The following OSTM1 variants were observed in gnomAD, a reference collection of about 807,000 sequenced individuals.
OSTM1 encodes the protein osteoclastogenesis associated transmembrane protein 1, also known as osteopetrosis-associated transmembrane protein 1.
In OSTM1, 26 loss-of-function variants were observed where a neutral mutation model predicts 35.4. That is an observed-to-expected ratio of 0.73 (90% CI 0.54 to 1.02). OSTM1 has a LOEUF of 1.02. Among genes scored for constraint, OSTM1 ranks in the 50% least tolerant of loss-of-function variants. The pLI is 0.00. For synonymous variants in OSTM1, 181 were observed against 165.0 expected, an observed-to-expected ratio of 1.10 and a Z score of -0.75; for missense variants, 366 against 409.6, an observed-to-expected ratio of 0.89 and a Z score of 0.92.
chr6:108,053,996 C>G (rs976881777), intron 3 of OSTM1, among the ~76,000 whole-genome samples: 5 of 152,198 alleles, frequency 3.3e-5, no homozygotes, highest in African/African-American at 1.2e-4. Context: ...TGGCAATAAT[C>G]TACAAGGTTA....
intron 2 of OSTM1, among the ~76,000 whole-genome samples, chr6:108,057,697 G>A (rs138329534): frequency 1.3e-5 from 2 of 152,278 alleles, no homozygotes; most frequent in African/African-American, 4.8e-5. Flanking sequence ...ATGATCATTA[G>A]ATGGTGGTAA....
At chr6:108,049,493 T>C (rs527274664) in intron 4 of OSTM1, 75 bp from the exon 5 acceptor site, 318 of 1,588,426 alleles carry the variant, frequency 2.0e-4, no homozygotes, top group Non-Finnish European at 2.6e-4. Context: ...ATTTTGCTAA[T>C]AACTAAACAG....
At chr6:108,050,910 G>C in intron 4 of OSTM1, 121 bp downstream of exon 4, 1 of 844,102 alleles carries the variant, frequency 1.2e-6, no homozygotes, top group Non-Finnish European at 2.0e-6. Flanking sequence ...TTTATAACTA[G>C]TTATTTTTGG....
At chr6:108,046,473 C>T (rs910724625) in intron 5 of OSTM1, among the ~76,000 whole-genome samples, 1 of 150,612 alleles carries the variant, frequency 6.6e-6, no homozygotes, top group Admixed American at 6.6e-5. Flanking sequence ...TCCCGAGTAG[C>T]TGGGACTACA....
At chr6:108,055,431 C>T (rs759460516) in intron 2 of OSTM1, among the ~76,000 whole-genome samples, 37 of 152,140 alleles carry the variant, frequency 2.4e-4, no homozygotes, top group Middle Eastern at 3.2e-3. Context: ...ATGTTCCCAC[C>T]TCAACCTTCC....
chr6:108,068,260 A>G (rs774991842), intron 1 of OSTM1, among the ~76,000 whole-genome samples: 8 of 152,168 alleles, frequency 5.3e-5, no homozygotes, highest in Non-Finnish European at 1.5e-5. Context: ...CTCATTCTTC[A>G]GGTATGTTCA....
intron 1 of OSTM1, among the ~76,000 whole-genome samples, chr6:108,073,982 GC>G (rs938981127): frequency 2.6e-5 from 4 of 152,088 alleles, no homozygotes; most frequent in Admixed American, 2.6e-4. Context: ...TGGAGGAAGA[GC>G]AAGAGGGTTG....
At chr6:108,072,716 A>C (rs1772507859) in intron 1 of OSTM1, among the ~76,000 whole-genome samples, 1 of 151,966 alleles carries the variant, frequency 6.6e-6, no homozygotes, top group Non-Finnish European at 1.5e-5. Context: ...AATGCAAATA[A>C]ATTCCCCAGT....
intron 2 of OSTM1, among the ~76,000 whole-genome samples, chr6:108,062,269 C>T (rs183087695): frequency 1.3e-5 from 2 of 152,226 alleles, no homozygotes; most frequent in Admixed American, 6.5e-5. Context: ...GAGTGCCTCA[C>T]AGGAGGGGCA....
chr6:108,043,339 A>C lies in OSTM1; in HGVS notation c.*1446T>G. 1 of 149,806 alleles carries C rather than the reference A, an allele frequency of 6.7e-6. No individual in the cohort carries two copies. The highest frequency in any genetic ancestry group is 1.5e-5 in the Non-Finnish European group (1 of 67,962). The allele number at this position is 149,806 out of a possible 1,614,324, so 9.3% of individuals were successfully genotyped here. On this transcript the variant is annotated 3_prime_UTR_variant, in exon 6 of 6. Coordinates refer to ENST00000193322, the MANE Select transcript of OSTM1 (RefSeq NM_014028.4). ...ATCACAGCAGATCAGAGAAAGTGTA[A>C]CAGCTTTTGAGTATGTTATACATCC...
chr6:108,074,300 G>A lies in OSTM1; in HGVS notation c.352C>T (p.Leu118Phe), dbSNP rs1268333803. ...ATCTTGCTGACGACCTGTTGGAAGA[G>A]GGGGTAGCAGGTCTGACAGAGGCGC... ...PVRLCQTCYP[L>F]FQQVVSKMDN... The change falls in exon 1 of 6, where the codon CTC becomes TTC. Residue 118 changes from leucine (L) to phenylalanine (F), a missense_variant. This residue lies in a region of OSTM1 where 236 missense variants were observed against 239.3 expected (regional missense o/e 0.99). Transcript: ENST00000193322. 2 of 1,612,400 alleles carry A rather than the reference G, an allele frequency of 1.2e-6. No homozygotes were observed. The highest frequency in any genetic ancestry group is 2.2e-5 in the East Asian group (1 of 44,868).
At chr6:108,071,245 G>A (rs150784176) in intron 1 of OSTM1, among the ~76,000 whole-genome samples, 1 of 151,706 alleles carries the variant, frequency 6.6e-6, no homozygotes, top group African/African-American at 2.4e-5. Context: ...ACCTCCCCAA[G>A]AGACAACTAA....
chr6:108,058,664 G>C (rs957284659), intron 2 of OSTM1, among the ~76,000 whole-genome samples: 3 of 152,094 alleles, frequency 2.0e-5, no homozygotes, highest in African/African-American at 7.2e-5. Context: ...TGTAGTCCCA[G>C]CTACTCAGGA....
intron 5 of OSTM1, among the ~76,000 whole-genome samples, chr6:108,048,491 C>G (rs1323229454): frequency 6.6e-6 from 1 of 152,144 alleles, no homozygotes; most frequent in Non-Finnish European, 1.5e-5. Flanking sequence ...ACTATTATAT[C>G]AAGTAATCTC....
intron 4 of OSTM1, among the ~76,000 whole-genome samples, chr6:108,050,396 C>T (rs62427444): frequency 0.17 from 23,125 of 138,858 alleles, 2,285 homozygotes; most frequent in Admixed American, 0.22. Context: ...CGGAGTCTCG[C>T]TCTGTCGCCC....
chr6:108,074,600 G>A lies in OSTM1; in HGVS notation c.52C>T (p.Leu18=). ...GACCACAGCAGCAGCCCCAGCGGCA[G>A]CCACGGCGGCAACGAACACCTCCGC... ...AQRRCSLPPW[L]PLGLLLWSGL... The change falls in exon 1 of 6, where the codon CTG becomes TTG. Residue 18 remains leucine (L), a synonymous_variant. Transcript: ENST00000193322. 1 of 1,565,290 alleles carries A rather than the reference G, an allele frequency of 6.4e-7. No homozygotes were observed. Among genetic ancestry groups the A allele is most frequent in the Non-Finnish European group, 8.6e-7 (1 of 1,160,836 alleles).
Position 108,043,020 on chromosome 6 carries a change from T to C in OSTM1, c.*1765A>G, listed in dbSNP as rs1215914408. The C allele has an allele frequency of 6.6e-6, 1 of 152,184 alleles. No individual in the cohort carries two copies. The highest frequency in any genetic ancestry group is 1.9e-4 in the East Asian group (1 of 5,198). 9.4% of individuals were successfully genotyped at this position (152,184 alleles called of 1,614,324 possible). On this transcript the variant is annotated 3_prime_UTR_variant, in exon 6 of 6. Coordinates refer to ENST00000193322, the MANE Select transcript of OSTM1 (RefSeq NM_014028.4). Reference sequence around the variant, plus strand: ...TGCTGATGCTAGGTCTAAAGAGCAATGACTCAACCAGAAAAAATAGTAAAG... The same window carrying C: ...TGCTGATGCTAGGTCTAAAGAGCAACGACTCAACCAGAAAAAATAGTAAAG...
intron 2 of OSTM1, 21 bp from the exon 3 acceptor site, chr6:108,054,608 G>C (rs1264053492): frequency 2.6e-6 from 3 of 1,141,866 alleles, no homozygotes; most frequent in Non-Finnish European, 1.3e-6. Context: ...AATTCAAAAA[G>C]TATATTAATA....
rs532549739 is a variant in OSTM1, at chr6:108,070,066, C to T, written c.402+4184G>A. Among the ~76,000 whole-genome samples the T allele has an allele frequency of 2.6e-5, 4 of 151,812 alleles. No individual in the cohort carries two copies. In the East Asian group the frequency reaches 7.8e-4, roughly 30 times the overall value. On this transcript the variant is annotated intron_variant, in intron 1 of 5. Coordinates refer to ENST00000193322, the MANE Select transcript of OSTM1 (RefSeq NM_014028.4). The stretch of plus-strand genomic sequence containing the variant: ...TTTTTTTCTTTTTTTGAGATGGAGT[C>T]TTGCTCTGTCACCCAGGCTGGAGTG...
Sources: allele counts gnomAD v4.1 joint callset (sites outside exome capture counted in the v4.1 genomes callset), GRCh38; gene constraint gnomAD v4.1.1; regional missense constraint gnomAD v4.1.1; transcripts MANE v1.5; gene names NCBI Gene and HGNC (gene_info 2026-07-23, HGNC 2026-07-21).